PRKCA: variants seen among roughly 807,000 people sequenced by gnomAD.
PRKCA encodes the protein protein kinase C alpha.
A neutral mutation model predicts 87.0 loss-of-function variants in PRKCA; 27 were observed. The observed-to-expected ratio is 0.31, with a 90% CI of 0.23 to 0.43. The LOEUF is 0.43. Among genes scored for constraint, PRKCA ranks in the 20% least tolerant of loss-of-function variants. PRKCA has a pLI of 1.00. For synonymous variants in PRKCA, 329 were observed against 311.1 expected, an observed-to-expected ratio of 1.06 and a Z score of -0.61; for missense variants, 518 against 852.3, an observed-to-expected ratio of 0.61 and a Z score of 4.88.
intron 3 of PRKCA, among the ~76,000 whole-genome samples, chr17:66,606,434 G>A (rs897920823): frequency 4.6e-5 from 7 of 152,102 alleles, no homozygotes; most frequent in African/African-American, 1.7e-4. Context: ...AATACCAGGA[G>A]ACAGTAACAT....
rs563968013 is a variant in PRKCA, at chr17:66,437,547, C to T, written c.206-58654C>T. 3.4e-4 allele frequency among the ~76,000 whole-genome samples: 51 copies of T among 152,118 alleles called. 1 individual carries two copies. The highest frequency in any genetic ancestry group is 1.6e-4 in the Non-Finnish European group (11 of 68,004). ...ACAGTTTACAAAGAATTTGCTTTTT[C>T]TCACTGACAGATAGGGTGTCTTTTG... On this transcript the variant is annotated intron_variant, in intron 2 of 16. Transcript: ENST00000413366.
chr17:66,665,354 T>C (rs1972015480), intron 5 of PRKCA, among the ~76,000 whole-genome samples: 1 of 152,192 alleles, frequency 6.6e-6, no homozygotes, highest in South Asian at 2.1e-4. Context: ...AGAGTTTCCA[T>C]GAGAACATGA....
chr17:66,581,253 A>G (rs1489689842), intron 3 of PRKCA, among the ~76,000 whole-genome samples: 1 of 152,160 alleles, frequency 6.6e-6, no homozygotes, highest in Non-Finnish European at 1.5e-5. Flanking sequence ...GCAGGCGCAT[A>G]TGGTCTTCGT....
chr17:66,527,351 G>T (rs1472090748), intron 3 of PRKCA, among the ~76,000 whole-genome samples: 1 of 152,180 alleles, frequency 6.6e-6, no homozygotes, highest in Admixed American at 6.5e-5. Flanking sequence ...AATGCAATTT[G>T]CATCCACAGG....
chr17:66,710,992 G>A (rs1002983667), intron 8 of PRKCA, among the ~76,000 whole-genome samples: 16 of 151,980 alleles, frequency 1.1e-4, no homozygotes, highest in African/African-American at 3.4e-4. Flanking sequence ...GCAGTGAGCC[G>A]AGATCGCACC....
chr17:66,556,544 G>A (rs747387361), intron 3 of PRKCA, among the ~76,000 whole-genome samples: 2 of 152,064 alleles, frequency 1.3e-5, no homozygotes, highest in African/African-American at 4.8e-5. Context: ...TGTGGAGAGG[G>A]TATGCTATCT....
At chr17:66,567,441 A>G (rs1238289917) in intron 3 of PRKCA, among the ~76,000 whole-genome samples, 1 of 152,100 alleles carries the variant, frequency 6.6e-6, no homozygotes, top group African/African-American at 2.4e-5. Flanking sequence ...AAGCAGGGCA[A>G]TAAGGCCCTT....
chr17:66,452,049 C>T (rs970141587), intron 2 of PRKCA, among the ~76,000 whole-genome samples: 4 of 152,172 alleles, frequency 2.6e-5, no homozygotes, highest in Admixed American at 6.5e-5. Context: ...TTGCAGTGTG[C>T]GTCCCTCATT....
At chr17:66,374,246 A>C (rs1029766246) in intron 2 of PRKCA, among the ~76,000 whole-genome samples, 1 of 152,014 alleles carries the variant, frequency 6.6e-6, no homozygotes, top group Non-Finnish European at 1.5e-5. Flanking sequence ...GCCCCGCCTG[A>C]CCCAGCTCCC....
intron 2 of PRKCA, among the ~76,000 whole-genome samples, chr17:66,390,905 G>A (rs914453800): frequency 3.0e-4 from 20 of 66,862 alleles, no homozygotes; most frequent in African/African-American, 5.6e-4. Context: ...ATCAGCATGC[G>A]AAGCAAAGGA....
chr17:66,584,689 T>C (rs1969540230), intron 3 of PRKCA, among the ~76,000 whole-genome samples: 1 of 152,170 alleles, frequency 6.6e-6, no homozygotes, highest in South Asian at 2.1e-4. Context: ...CCTCACCCTG[T>C]GACTGCATTA....
At chr17:66,651,295 T>C (rs1348310177) in intron 5 of PRKCA, among the ~76,000 whole-genome samples, 1 of 152,196 alleles carries the variant, frequency 6.6e-6, no homozygotes, top group African/African-American at 2.4e-5. Context: ...GCACAATCCT[T>C]AGGAGCCATG....
At chr17:66,688,577 T>G (rs1598875002) in intron 7 of PRKCA, 141 bp downstream of exon 7, 1 of 1,107,446 alleles carries the variant, frequency 9.0e-7, no homozygotes, top group African/African-American at 1.6e-5. Flanking sequence ...CCGAGGCAGG[T>G]GGATTGCTTG....
intron 2 of PRKCA, among the ~76,000 whole-genome samples, chr17:66,436,187 G>A (rs1011412393): frequency 2.6e-5 from 4 of 152,144 alleles, no homozygotes; most frequent in Admixed American, 6.5e-5. Flanking sequence ...TCAAGAGGTT[G>A]GATGGCATTG....
At chr17:66,394,591 G>C (rs1251952909) in intron 2 of PRKCA, among the ~76,000 whole-genome samples, 1 of 152,130 alleles carries the variant, frequency 6.6e-6, no homozygotes, top group African/African-American at 2.4e-5. Flanking sequence ...TGTAGTATTG[G>C]GGCGGATGGG....
chr17:66,351,984 C>T (rs991603474), intron 2 of PRKCA, among the ~76,000 whole-genome samples: 2 of 152,206 alleles, frequency 1.3e-5, no homozygotes, highest in South Asian at 2.1e-4. Context: ...AGTGTCACGT[C>T]GTGAGCATAC....
intron 3 of PRKCA, among the ~76,000 whole-genome samples, chr17:66,637,142 G>T (rs566087271): frequency 6.6e-6 from 1 of 152,258 alleles, no homozygotes; most frequent in African/African-American, 2.4e-5. Context: ...TGTTGCGTGA[G>T]TAAGCCTTAG....
chr17:66,338,111 A>G lies in PRKCA; in HGVS notation c.205+31984A>G, dbSNP rs140062999. On this transcript the variant is annotated intron_variant, in intron 2 of 16. Transcript: ENST00000413366. ...GCGGTTCTTGCTGAATGATTTCCTA[A>G]GGCATTTTGAAAATCTCTTGGGTAG... Among the ~76,000 whole-genome samples, 100 of 145,068 alleles carry G rather than the reference A, an allele frequency of 6.9e-4. 1 individual carries two copies. In the South Asian group the frequency reaches 9.2e-3, roughly 13 times the overall value.
At chr17:66,402,361 C>T (rs887265689) in intron 2 of PRKCA, among the ~76,000 whole-genome samples, 2 of 150,198 alleles carry the variant, frequency 1.3e-5, no homozygotes, top group African/African-American at 4.9e-5. Context: ...CTATGGAGTA[C>T]TCCTTCAGGA....
Sources: gnomAD v4.1 joint callset for allele counts (sites outside exome capture counted in the v4.1 genomes callset) on GRCh38, gnomAD v4.1.1 for gene constraint, MANE v1.5 for transcripts, NCBI Gene and HGNC (gene_info 2026-07-23, HGNC 2026-07-21) for gene names.